FAM86B2: variants seen among roughly 807,000 people sequenced by gnomAD.
The protein encoded by FAM86B2 is family with sequence similarity 86 member B2.
In FAM86B2, 1 loss-of-function variant was observed where a neutral mutation model predicts 26.5. The ratio of observed to expected loss-of-function variants is 0.04; its 90% CI spans 0.01 to 0.18. FAM86B2 has a LOEUF of 0.18. Among genes scored for constraint, FAM86B2 ranks in the 10% least tolerant of loss-of-function variants. FAM86B2 has a pLI of 1.00. For missense variants in FAM86B2, 43 were observed against 303.5 expected, an observed-to-expected ratio of 0.14 and a Z score of 6.38; for synonymous variants, 11 against 127.8, an observed-to-expected ratio of 0.09 and a Z score of 6.17.
Position 12,429,108 on chromosome 8 carries a change from C to T in FAM86B2, c.349G>A (p.Gly117Arg). 2 of 319,140 alleles carry T rather than the reference C, an allele frequency of 6.3e-6. No individual in the cohort carries two copies. The highest frequency in any genetic ancestry group is 5.4e-5 in the South Asian group (2 of 36,918). 19.8% of individuals were successfully genotyped at this position (319,140 alleles called of 1,614,324 possible). Residue 117 changes from glycine (G) to arginine (R), a missense_variant, in exon 5 of 8, where the codon GGA (glycine) becomes AGA (arginine). Physicochemically the swap from Gly to Arg is moderately radical, Grantham distance 125 (BLOSUM62 -2). Transcript: ENST00000262365. ...CTCTTGGAGAGTGTGACTGAGCCTC[C>T]TGAGGACTGCACCAAGAGAGGGCGA... is the stretch of plus-strand genomic sequence containing the variant. The part of the protein sequence containing the change: ...QGHRSYLLSS[G>R]GSVTLSKSTA...
intron 3 of FAM86B2, among the ~76,000 whole-genome samples, chr8:12,431,640 G>T (rs1488706209): frequency 3.2e-5 from 2 of 62,334 alleles, no homozygotes; most frequent in African/African-American, 8.9e-5. Flanking sequence ...TCAATGCAGA[G>T]AATTCACCAG....
At chr8:12,427,984 T>G (rs1351316759) in intron 6 of FAM86B2, among the ~76,000 whole-genome samples, 178 bp from the exon 7 acceptor site, 15 of 52,566 alleles carry the variant, frequency 2.9e-4, no homozygotes, top group Admixed American at 4.5e-4. Flanking sequence ...AGAACCCTTA[T>G]TAGAGAAAGC....
intron 3 of FAM86B2, 136 bp from the exon 4 acceptor site, chr8:12,430,587 AC>A: frequency 8.0e-7 from 1 of 1,251,500 alleles, no homozygotes; most frequent in African/African-American, 1.6e-5. Flanking sequence ...TAAAATACTC[AC>A]TTCGTTGGGC....
intron 6 of FAM86B2, among the ~76,000 whole-genome samples, chr8:12,428,416 G>T (rs1437908670): frequency 6.7e-6 from 1 of 148,800 alleles, no homozygotes; most frequent in Non-Finnish European, 1.5e-5. Context: ...GACTGTAACG[G>T]GAGTATGCCT....
chr8:12,428,116 C>G (rs1266843884), intron 6 of FAM86B2, among the ~76,000 whole-genome samples: 1 of 114,086 alleles, frequency 8.8e-6, no homozygotes, highest in Non-Finnish European at 1.9e-5. Flanking sequence ...CTGCCGTGAA[C>G]TTCGTGTTTC....
intron 3 of FAM86B2, among the ~76,000 whole-genome samples, chr8:12,431,603 G>T (rs1798179494): frequency 1.3e-5 from 1 of 78,314 alleles, no homozygotes; most frequent in East Asian, 3.3e-4. Context: ...TCCTATATCA[G>T]TCAGGAAAGA....
At chr8:12,426,423 G>T (rs1477362221) in intron 7 of FAM86B2, among the ~76,000 whole-genome samples, 3 of 125,082 alleles carry the variant, frequency 2.4e-5, no homozygotes, top group East Asian at 2.6e-4. Context: ...TCACTTAAAA[G>T]ATATTGCAGG....
chr8:12,429,563 T>C (rs1813215404), intron 4 of FAM86B2, among the ~76,000 whole-genome samples: 1 of 62,670 alleles, frequency 1.6e-5, no homozygotes, highest in East Asian at 7.4e-4. Flanking sequence ...ATCTGCCTCC[T>C]GGGTTCAAGC....
Position 12,424,665 on chromosome 8 carries a change from G to A in FAM86B2, c.*1224C>T, listed in dbSNP as rs3974269. Among the ~76,000 whole-genome samples the A allele has an allele frequency of 0.028, 3,582 of 127,540 alleles. 4 individuals carry two copies. The highest frequency in any genetic ancestry group is 0.1 in the Middle Eastern group (26 of 256). The allele number at this position is 127,540 out of a possible 152,430, so 83.7% of individuals were successfully genotyped here. A position where few individuals can be genotyped will look rare whatever the true frequency, so the allele number is the denominator to read the frequency against. On this transcript the variant is annotated 3_prime_UTR_variant, in exon 8 of 8. Transcript: ENST00000262365. ...CCAGGGCACCAAGTGTGGGAAAGTG[G>A]GACATACGGGGAAGTTTCCAGAAAG...
chr8:12,426,427 T>C (rs1248658233), intron 7 of FAM86B2, among the ~76,000 whole-genome samples: 7 of 139,024 alleles, frequency 5.0e-5, no homozygotes, highest in Admixed American at 2.2e-4. Context: ...TTAAAAGATA[T>C]TGCAGGTTTT....
intron 7 of FAM86B2, among the ~76,000 whole-genome samples, chr8:12,426,469 T>C (rs1308993221): frequency 4.5e-3 from 6 of 1,348 alleles, no homozygotes; most frequent in African/African-American, 0.011. Flanking sequence ...AAAGACTTCC[T>C]TTTTTTTTTT....
chr8:12,433,900 C>G (rs532023662), intron 2 of FAM86B2, among the ~76,000 whole-genome samples, 152 bp downstream of exon 2: 1 of 81,636 alleles, frequency 1.2e-5, no homozygotes, highest in South Asian at 6.5e-4. Context: ...GTCGGAGGTG[C>G]TGACACCCTT....
intron 1 of FAM86B2, among the ~76,000 whole-genome samples, chr8:12,435,448 T>C (rs1309080767): frequency 4.1e-5 from 5 of 123,004 alleles, no homozygotes; most frequent in Admixed American, 4.0e-4. Flanking sequence ...GATGCTTTTA[T>C]GAAGGTTTCT....
chr8:12,428,456 G>A (rs1812998349), intron 6 of FAM86B2, among the ~76,000 whole-genome samples, 177 bp downstream of exon 6: 1 of 152,050 alleles, frequency 6.6e-6, no homozygotes, highest in Admixed American at 6.6e-5. Flanking sequence ...TGGCTTGAAG[G>A]TCACCTTAAG....
chr8:12,435,565 A>G lies in FAM86B2; in HGVS notation c.96+683T>C, dbSNP rs1290749906. Among the ~76,000 whole-genome samples, 2 of 137,770 alleles carry G rather than the reference A, an allele frequency of 1.5e-5. 1 individual carries two copies. Among genetic ancestry groups the G allele is most frequent in the Non-Finnish European group, 3.2e-5 (2 of 61,882 alleles). The allele number at this position is 137,770 out of a possible 152,430, so 90.4% of individuals were successfully genotyped here. On this transcript the variant is annotated intron_variant, in intron 1 of 7. Transcript: ENST00000262365. ...CAAATGATTAAGCAACACCCCATAA[A>G]ATGGGGCAGACCCAGGGAGGAATAT...
At position 12,424,773 on chromosome 8, in the gene FAM86B2, G is replaced by A. The variant is rs1369760951; in HGVS notation, c.*1116C>T. On this transcript the variant is annotated 3_prime_UTR_variant, in exon 8 of 8. Transcript: ENST00000262365. ...TGAGGGAGTTAGGGACTTGGGAGGGGTTGTTGTTGGGTCGGGGACCTGGGG... is the reference window on the plus strand; with the variant it reads ...TGAGGGAGTTAGGGACTTGGGAGGGATTGTTGTTGGGTCGGGGACCTGGGG... 1.8e-4 allele frequency: 70 copies of A among 398,334 alleles called. 12 individuals are homozygous for A. The highest frequency in any genetic ancestry group is 2.1e-3 in the Middle Eastern group (2 of 950). 24.7% of individuals were successfully genotyped at this position (398,334 alleles called of 1,614,324 possible). A position where few individuals can be genotyped will look rare whatever the true frequency, so the allele number is the denominator to read the frequency against.
chr8:12,435,989 G>A (rs1312481565), intron 1 of FAM86B2, among the ~76,000 whole-genome samples: 2 of 151,728 alleles, frequency 1.3e-5, no homozygotes, highest in Admixed American at 6.6e-5. Flanking sequence ...ATCGTGAACC[G>A]TACCCCACAC....
chr8:12,426,557 A>G (rs1261292849), intron 7 of FAM86B2, among the ~76,000 whole-genome samples: 2 of 70,498 alleles, frequency 2.8e-5, no homozygotes, highest in African/African-American at 1.2e-4. Context: ...CAGTGGTGAG[A>G]TCAGGGCTCA....
At chr8:12,428,286 T>C (rs1258189892) in intron 6 of FAM86B2, among the ~76,000 whole-genome samples, 6 of 145,992 alleles carry the variant, frequency 4.1e-5, no homozygotes, top group Non-Finnish European at 9.1e-5. Context: ...GGGTTTTCGG[T>C]GGCCCAGCCA....
Sources: allele counts gnomAD v4.1 joint callset (sites outside exome capture counted in the v4.1 genomes callset), GRCh38; gene constraint gnomAD v4.1.1; transcripts MANE v1.5; gene names NCBI Gene and HGNC (gene_info 2026-07-23, HGNC 2026-07-21).